The following WDR47 variants were observed in gnomAD, a reference collection of about 807,000 sequenced individuals.
WDR47 encodes WD repeat-containing protein 47.
A neutral mutation model predicts 97.2 loss-of-function variants in WDR47; 32 were observed. That is an observed-to-expected ratio of 0.33 (90% CI 0.25 to 0.44). WDR47 has a LOEUF of 0.44. Among genes scored for constraint, WDR47 ranks in the 20% least tolerant of loss-of-function variants. The probability of loss-of-function intolerance (pLI) is 1.00; values close to 1 mark genes in which losing one functional copy is unlikely to be tolerated. For synonymous variants in WDR47, 375 were observed against 373.5 expected (o/e 1.00, Z -0.05); for missense variants, 782 against 1,102.3 (o/e 0.71, Z 4.11).
At chr1:109,030,097 C>T in intron 1 of WDR47, 1 of 944,926 alleles carries the variant, frequency 1.1e-6, no homozygotes, top group Non-Finnish European at 1.5e-6. Context: ...CTTCATCCCT[C>T]CCCAGAAGAA....
chr1:109,027,779 C>A (rs1662313748), intron 1 of WDR47, among the ~76,000 whole-genome samples: 1 of 152,104 alleles, frequency 6.6e-6, no homozygotes, highest in Admixed American at 6.6e-5. Context: ...GCCTCAGCCT[C>A]CCAAAATGCT....
chr1:109,008,780 G>C (rs1660821805), intron 5 of WDR47, among the ~76,000 whole-genome samples: 3 of 151,528 alleles, frequency 2.0e-5, no homozygotes, highest in African/African-American at 7.3e-5. Context: ...ACTAATTTTT[G>C]TATTTTTAGT....
At chr1:109,007,280 G>GCATA (rs1330175730) in intron 5 of WDR47, among the ~76,000 whole-genome samples, 1 of 148,892 alleles carries the variant, frequency 6.7e-6, no homozygotes, top group African/African-American at 2.5e-5. Context: ...TCTTCATGTT[G>GCATA]CATACTTAGC....
intron 2 of WDR47, among the ~76,000 whole-genome samples, chr1:109,021,834 ATTTATTAT>A (rs993305336): frequency 5.3e-5 from 8 of 151,366 alleles, no homozygotes; most frequent in African/African-American, 1.5e-4. Context: ...GCCTTTTTTA[ATTTATTAT>A]TTATTTAATT....
At chr1:109,005,205 C>A (rs1027093665) in intron 5 of WDR47, among the ~76,000 whole-genome samples, 3 of 151,756 alleles carry the variant, frequency 2.0e-5, no homozygotes, top group Non-Finnish European at 2.9e-5. Flanking sequence ...AGTTCAAGAC[C>A]AACCTGGGTA....
At chr1:109,000,782 CAGAGT>C (rs1470364189) in intron 7 of WDR47, among the ~76,000 whole-genome samples, 1 of 152,132 alleles carries the variant, frequency 6.6e-6, no homozygotes, top group Admixed American at 6.5e-5. Flanking sequence ...ACACAACACT[CAGAGT>C]TGTCAAGCAG....
In WDR47 at chr1:109,011,218, T is replaced by C; in HGVS notation, c.828A>G (p.Thr276=). ...TCAAAAGATCAGCATATGCAGCTTT[T>C]GTAGGTTTCAGAAGTTTGTCAACAT... ...NIHVDKLLKP[T]KAAYADLLTP... The change falls in exon 5 of 15, where the codon ACA becomes ACG. Residue 276 remains threonine, a synonymous_variant. Coordinates refer to ENST00000369962, the MANE Select transcript of WDR47 (RefSeq NM_001142551.2). 2 of 1,614,154 alleles carry C rather than the reference T, an allele frequency of 1.2e-6. No individual in the cohort carries two copies. The highest frequency in any genetic ancestry group is 1.7e-6 in the Non-Finnish European group (2 of 1,180,042).
chr1:108,979,604 G>A (rs1658188247), intron 13 of WDR47, among the ~76,000 whole-genome samples: 1 of 152,164 alleles, frequency 6.6e-6, no homozygotes. Flanking sequence ...GGGATGATGG[G>A]AGTTGGAAAG....
chr1:109,002,854 G>A (rs1266534697), intron 6 of WDR47, among the ~76,000 whole-genome samples: 1 of 152,122 alleles, frequency 6.6e-6, no homozygotes, highest in African/African-American at 2.4e-5. Context: ...AATGGATGGG[G>A]TAAAAAGGGA....
chr1:108,981,663 G>A, intron 13 of WDR47, 70 bp downstream of exon 13: 1 of 1,432,840 alleles, frequency 7.0e-7, no homozygotes, highest in African/African-American at 1.5e-5. Context: ...TATATTGCAG[G>A]GGAGAAGAAG....
intron 12 of WDR47, among the ~76,000 whole-genome samples, 156 bp from the exon 13 acceptor site, chr1:108,982,020 C>T (rs1036916331): frequency 4.6e-5 from 7 of 151,268 alleles, no homozygotes; most frequent in Admixed American, 3.9e-4. Context: ...CCCAGGAGTT[C>T]GAGGCTGCAG....
intron 1 of WDR47, among the ~76,000 whole-genome samples, chr1:109,029,520 C>CGTG (rs1024119087): frequency 4.6e-5 from 7 of 151,726 alleles, no homozygotes; most frequent in Admixed American, 1.3e-4. Flanking sequence ...ATTAGCCGGG[C>CGTG]GTGGTGGTGC....
Position 108,980,079 on chromosome 1 carries a change from A to G in WDR47, c.2398+1654T>C, listed in dbSNP as rs1400587604. ...GCTCCTTATGAGAATCTAATGCCTGATGATCTGCAGTGGTTTCATCCCTAA... is the reference window on the plus strand; with the variant it reads ...GCTCCTTATGAGAATCTAATGCCTGGTGATCTGCAGTGGTTTCATCCCTAA... On this transcript the variant is annotated intron_variant, in intron 13 of 14. Transcript: ENST00000369962. Among the ~76,000 whole-genome samples the G allele has an allele frequency of 2.6e-5, 4 of 152,156 alleles. 1 individual carries two copies. Among genetic ancestry groups the G allele is most frequent in the Non-Finnish European group, 1.5e-5 (1 of 68,040 alleles).
At chr1:109,033,722 C>G (rs966739409) in intron 1 of WDR47, among the ~76,000 whole-genome samples, 6 of 152,120 alleles carry the variant, frequency 3.9e-5, no homozygotes, top group African/African-American at 1.2e-4. Context: ...AGATGGAGAC[C>G]ATTCTGGCCA....
chr1:108,989,193 C>A (rs900599240), intron 9 of WDR47, among the ~76,000 whole-genome samples: 3 of 152,202 alleles, frequency 2.0e-5, no homozygotes, highest in Non-Finnish European at 4.4e-5. Flanking sequence ...CTGACCAGGA[C>A]TGACTGGACA....
At chr1:109,037,977 T>C (rs1472013598) in intron 1 of WDR47, among the ~76,000 whole-genome samples, 1 of 152,016 alleles carries the variant, frequency 6.6e-6, no homozygotes. Context: ...GGACCACAGG[T>C]GTGCACCACC....
At chr1:109,035,716 G>T (rs1016218280) in intron 1 of WDR47, among the ~76,000 whole-genome samples, 1 of 151,652 alleles carries the variant, frequency 6.6e-6, no homozygotes, top group Non-Finnish European at 1.5e-5. Flanking sequence ...GGCTAGTCTC[G>T]AACTCCCGAC....
rs943402371 is a variant in WDR47, at chr1:108,976,941, G to A, written c.2399-2187C>T. Among the ~76,000 whole-genome samples, 87 of 152,156 alleles carry A rather than the reference G, an allele frequency of 5.7e-4. 1 individual carries two copies. Among genetic ancestry groups the A allele is most frequent in the Non-Finnish European group, 2.5e-4 (17 of 68,042 alleles). On this transcript the variant is annotated intron_variant, in intron 13 of 14. Coordinates refer to ENST00000369962, the MANE Select transcript of WDR47 (RefSeq NM_001142551.2). ...TCCTGTAGGTCGTGATAACAAGTGTGTACTTTAAGATTTAAAGTCACTGAA... is the reference window on the plus strand; with the variant it reads ...TCCTGTAGGTCGTGATAACAAGTGTATACTTTAAGATTTAAAGTCACTGAA...
chr1:109,040,949 C>A (rs531743135), intron 1 of WDR47, among the ~76,000 whole-genome samples: 2 of 152,130 alleles, frequency 1.3e-5, no homozygotes, highest in South Asian at 4.1e-4. Flanking sequence ...AGGATCACAA[C>A]CTACGAATCT....
Sources: gnomAD v4.1 joint callset for allele counts (sites outside exome capture counted in the v4.1 genomes callset) on GRCh38, gnomAD v4.1.1 for gene constraint, MANE v1.5 for transcripts, NCBI Gene and HGNC (gene_info 2026-07-23, HGNC 2026-07-21) for gene names.